INO80: variants seen among roughly 807,000 people sequenced by gnomAD.
INO80 encodes the protein INO80 complex ATPase subunit, also known as chromatin-remodeling ATPase INO80.
INO80 carries 20 observed loss-of-function variants against 203.4 expected under a neutral mutation model. The ratio of observed to expected loss-of-function variants is 0.10; its 90% CI spans 0.07 to 0.14. INO80 has a LOEUF of 0.14. Among genes scored for constraint, INO80 ranks in the 10% least tolerant of loss-of-function variants. The pLI, the probability that INO80 is intolerant of heterozygous loss-of-function variation, is 1.00. For missense variants in INO80, 1,419 were observed against 1,914.4 expected (o/e 0.74, Z 4.83); for synonymous variants, 726 against 685.2 (o/e 1.06, Z -0.93).
chr15:41,036,157 A>AAG (rs1491265103), intron 24 of INO80, among the ~76,000 whole-genome samples: 2 of 37,714 alleles, frequency 5.3e-5, no homozygotes, highest in Non-Finnish European at 1.0e-4. Context: ...CTCTCTCTCG[A>AAG]AAAAAAAAAA....
chr15:40,993,453 A>C (rs1297063591), intron 29 of INO80, among the ~76,000 whole-genome samples: 1 of 152,108 alleles, frequency 6.6e-6, no homozygotes, highest in Non-Finnish European at 1.5e-5. Flanking sequence ...CTACAACCTG[A>C]TGATTTGAAA....
chr15:41,059,999 G>A (rs948260741), intron 14 of INO80, 73 bp from the exon 15 acceptor site: 47 of 1,035,356 alleles, frequency 4.5e-5, no homozygotes, highest in Non-Finnish European at 5.6e-5. Context: ...TATATAATTC[G>A]GAACAATTTA....
intron 23 of INO80, among the ~76,000 whole-genome samples, chr15:41,045,735 A>C (rs1179134213): frequency 6.6e-6 from 1 of 151,008 alleles, no homozygotes. Flanking sequence ...TCTACAAAAA[A>C]AAAAGAATAC....
intron 5 of INO80, among the ~76,000 whole-genome samples, chr15:41,091,399 C>T (rs912388439): frequency 6.6e-6 from 1 of 152,000 alleles, no homozygotes; most frequent in African/African-American, 2.4e-5. Context: ...GGTACATGTG[C>T]AAGATGTGCA....
chr15:40,991,306 GA>G (rs1317609259), intron 29 of INO80, among the ~76,000 whole-genome samples: 2 of 152,134 alleles, frequency 1.3e-5, no homozygotes, highest in Admixed American at 1.3e-4. Context: ...CTGTGCAGCG[GA>G]AAATATGAAA....
intron 25 of INO80, among the ~76,000 whole-genome samples, chr15:41,024,914 T>C (rs1162361719): frequency 6.6e-6 from 1 of 152,210 alleles, no homozygotes; most frequent in Non-Finnish European, 1.5e-5. Context: ...TATTCACTGA[T>C]CTGAATCCCT....
intron 25 of INO80, chr15:41,024,588 C>T (rs1026620887): frequency 6.6e-6 from 1 of 152,236 alleles, no homozygotes; most frequent in South Asian, 2.1e-4. Flanking sequence ...CACGTATGTT[C>T]CTGCTCTAGC....
At chr15:41,091,887 C>G in intron 5 of INO80, 140 bp downstream of exon 5, 1 of 573,254 alleles carries the variant, frequency 1.7e-6, no homozygotes, top group Non-Finnish European at 3.0e-6. Context: ...TTCTTGACCT[C>G]ATGATCCGCC....
In INO80 at chr15:41,107,194, T is replaced by C. The variant is rs79832008; in HGVS notation, c.-44+8779A>G. Among the ~76,000 whole-genome samples, 158 of 152,304 alleles carry C rather than the reference T, an allele frequency of 1.0e-3. No individual in the cohort carries two copies. The East Asian group carries it at 0.027, about 26-fold the overall frequency. On this transcript the variant is annotated intron_variant, in intron 1 of 35. Transcript: ENST00000648947. ...CTAAAAAAATTTTTTTTAATTTGCA[T>C]ACATTAAAGTTTACTCTTAGGCCCA...
At chr15:41,077,492 G>C (rs1433671304) in intron 9 of INO80, among the ~76,000 whole-genome samples, 1 of 152,114 alleles carries the variant, frequency 6.6e-6, no homozygotes, top group Non-Finnish European at 1.5e-5. Context: ...TTGAGAAAGA[G>C]AGTGAGAGAA....
At chr15:41,103,899 C>T (rs1272778605) in intron 1 of INO80, among the ~76,000 whole-genome samples, 2 of 152,094 alleles carry the variant, frequency 1.3e-5, no homozygotes, top group Non-Finnish European at 2.9e-5. Flanking sequence ...ACCTGTCTCA[C>T]TTCGCGCAAA....
At chr15:40,988,214 ATAT>A (rs1209864809) in intron 29 of INO80, among the ~76,000 whole-genome samples, 15 of 152,324 alleles carry the variant, frequency 9.8e-5, no homozygotes, top group African/African-American at 3.4e-4. Context: ...AGTGGCAATA[ATAT>A]TAATAGTTAA....
At chr15:41,077,805 C>T (rs148794189) in intron 9 of INO80, among the ~76,000 whole-genome samples, 1 of 152,150 alleles carries the variant, frequency 6.6e-6, no homozygotes, top group Non-Finnish European at 1.5e-5. Flanking sequence ...CAGCGATCCT[C>T]CCGTCTCTGC....
At chr15:41,054,217 A>T (rs550285385) in intron 18 of INO80, among the ~76,000 whole-genome samples, 1 of 152,344 alleles carries the variant, frequency 6.6e-6, no homozygotes, top group South Asian at 2.1e-4. Context: ...CAACAGGATA[A>T]ATATACTAGG....
intron 25 of INO80, among the ~76,000 whole-genome samples, chr15:41,025,757 C>T (rs1001139085): frequency 1.3e-5 from 2 of 152,042 alleles, no homozygotes; most frequent in Non-Finnish European, 2.9e-5. Context: ...AAACAAAACA[C>T]TGGGAACAGG....
intron 9 of INO80, among the ~76,000 whole-genome samples, chr15:41,077,418 G>A (rs79613150): frequency 0.029 from 4,213 of 147,318 alleles, 186 homozygotes; most frequent in African/African-American, 0.098. Context: ...AGTAACCTAC[G>A]TAAAACTATC....
intron 7 of INO80, among the ~76,000 whole-genome samples, chr15:41,084,655 G>A (rs886759634): frequency 6.6e-6 from 1 of 152,126 alleles, no homozygotes; most frequent in Non-Finnish European, 1.5e-5. Flanking sequence ...TTATTCTAGT[G>A]CCTGTGATTA....
At chr15:41,081,332 A>G (rs887138834) in intron 7 of INO80, among the ~76,000 whole-genome samples, 51 of 152,234 alleles carry the variant, frequency 3.4e-4, no homozygotes, top group African/African-American at 1.1e-3. Flanking sequence ...GTTAAGTTAC[A>G]TGTAAGGCTT....
chr15:41,095,894 G>A lies in INO80; in HGVS notation c.178C>T (p.Pro60Ser). 6.2e-7 allele frequency: 1 copy of A among 1,613,904 alleles called. No individual in the cohort carries two copies. The highest frequency in any genetic ancestry group is 8.5e-7 in the Non-Finnish European group (1 of 1,179,874). ...GGATCCCCAGACTGGGGCAATAATG[G>A]ATTACTGTCATCCAGTCCATCTTCA... is the stretch of plus-strand genomic sequence containing the variant. ...DSEDGLDDSN[P>S]LLPQSGDPLI... The change falls in exon 3 of 36, where the codon CCA becomes TCA. Residue 60 changes from proline to serine, a missense_variant. By Grantham distance (74) the Pro-to-Ser change is moderately conservative (BLOSUM62 -1). Coordinates refer to ENST00000648947, the MANE Select transcript of INO80 (RefSeq NM_017553.3).
Sources: gnomAD v4.1 joint callset for allele counts (sites outside exome capture counted in the v4.1 genomes callset) on GRCh38, gnomAD v4.1.1 for gene constraint, MANE v1.5 for transcripts, NCBI Gene and HGNC (gene_info 2026-07-23, HGNC 2026-07-21) for gene names.